Variants in RBM41 observed in about 807,000 individuals in gnomAD.
RBM41 encodes RNA-binding protein 41.
RBM41 carries 14 observed loss-of-function variants against 30.8 expected under a neutral mutation model. The observed-to-expected ratio is 0.45, with a 90% CI of 0.30 to 0.71. The LOEUF is 0.71. RBM41 is among the 30% of genes least tolerant of loss of function. RBM41 has a pLI of 0.08. For synonymous variants in RBM41, 120 were observed against 110.1 expected (o/e 1.09, Z -0.56); for missense variants, 276 against 326.3 (o/e 0.85, Z 1.19).
intron 5 of RBM41, among the ~76,000 whole-genome samples, chrX:107,104,360 T>C (rs1923751673): frequency 9.0e-6 from 1 of 111,382 alleles, no homozygotes; most frequent in African/African-American, 3.3e-5. Flanking sequence ...GATAGATTTG[T>C]GATAAGGCAA....
At chrX:107,115,610 G>C (rs1924826038) in intron 3 of RBM41, 54 bp from the exon 4 acceptor site, 2 of 1,046,650 alleles carry the variant, frequency 1.9e-6, no homozygotes, top group Non-Finnish European at 1.3e-6. Flanking sequence ...ACCTGAACAT[G>C]ATGATCTGGT....
chrX:107,099,618 G>A (rs1923275428), intron 5 of RBM41, among the ~76,000 whole-genome samples: 1 of 109,721 alleles, frequency 9.1e-6, no homozygotes, highest in Non-Finnish European at 1.9e-5. Flanking sequence ...TAGTTATCAA[G>A]AATGAAATTA....
In RBM41 at chrX:107,100,312, G is replaced by A. The variant is rs147884461; in HGVS notation, c.596-11473C>T. Among the ~76,000 whole-genome samples the A allele has an allele frequency of 9.2e-3, 1,023 of 110,710 alleles. 13 individuals carry two copies. The highest frequency in any genetic ancestry group is 0.032 in the African/African-American group (961 of 30,463). On this transcript the variant is annotated intron_variant, in intron 5 of 7. Transcript: ENST00000685964. ...TGCCACTGTCCCTGGTGAATATTTT[G>A]TATTTCTAGTCTGTACTAAAAATAT...
At chrX:107,076,300 G>A (rs1936221754) in intron 6 of RBM41, among the ~76,000 whole-genome samples, 1 of 105,008 alleles carries the variant, frequency 9.5e-6, no homozygotes, top group Non-Finnish European at 1.9e-5. Flanking sequence ...TCAGACGACA[G>A]TGCCAGACTC....
chrX:107,091,643 T>G (rs1290832754), intron 5 of RBM41, among the ~76,000 whole-genome samples: 1 of 112,039 alleles, frequency 8.9e-6, no homozygotes, highest in Non-Finnish European at 1.9e-5. Context: ...AAATAATAAT[T>G]TTTATTAGGT....
At chrX:107,111,228 G>C (rs1488493460) in intron 5 of RBM41, among the ~76,000 whole-genome samples, 1 of 111,131 alleles carries the variant, frequency 9.0e-6, no homozygotes, top group African/African-American at 3.3e-5. Flanking sequence ...AAATGGACAA[G>C]AGATCTGAAC....
chrX:107,090,458 T>C (rs929690886), intron 5 of RBM41, among the ~76,000 whole-genome samples: 2 of 112,127 alleles, frequency 1.8e-5, no homozygotes, highest in African/African-American at 3.2e-5. Context: ...TTTATCTGTG[T>C]CAATTAAACA....
At chrX:107,102,554 G>A (rs929985244) in intron 5 of RBM41, among the ~76,000 whole-genome samples, 3 of 111,518 alleles carry the variant, frequency 2.7e-5, no homozygotes, top group African/African-American at 9.8e-5. Context: ...GAAACCTCAT[G>A]TCTAATGGTG....
intron 6 of RBM41, among the ~76,000 whole-genome samples, chrX:107,083,005 T>C (rs2147932960): frequency 9.0e-6 from 1 of 111,319 alleles, no homozygotes; most frequent in Non-Finnish European, 1.9e-5. Context: ...TCTTTCTTTC[T>C]TTATGCAGAT....
At chrX:107,055,099 T>C in the RBM41 span, among the ~76,000 whole-genome samples, 1 of 112,258 alleles carries the variant, frequency 8.9e-6, no homozygotes, top group Admixed American at 9.4e-5. Flanking sequence ...CCATACAATA[T>C]GTGACTTTTT....
intron 5 of RBM41, among the ~76,000 whole-genome samples, chrX:107,095,524 T>C (rs1225609517): frequency 9.4e-6 from 1 of 106,623 alleles, no homozygotes; most frequent in African/African-American, 3.4e-5. Context: ...TGAACCTAGG[T>C]GGCGGAGATT....
At chrX:107,116,566 A>T in intron 2 of RBM41, 84 bp downstream of exon 2, 1 of 1,146,514 alleles carries the variant, frequency 8.7e-7, no homozygotes, top group Non-Finnish European at 1.2e-6. Flanking sequence ...GTGGGAGAGG[A>T]ACATTCCATC....
In RBM41 at chrX:107,071,334, A is replaced by G. The variant is rs767706512; in HGVS notation, c.1000-1932T>C. 2.7e-5 allele frequency among the ~76,000 whole-genome samples: 3 copies of G among 111,163 alleles called. No individual in the cohort carries two copies. The South Asian group carries it at 1.2e-3, about 43-fold the overall frequency. Reference sequence around the variant, plus strand: ...TAAGTCCTTTGCTAGCAATAATTACATTAAATATTAATAAACTCCCCAAGA... The same window carrying G: ...TAAGTCCTTTGCTAGCAATAATTACGTTAAATATTAATAAACTCCCCAAGA... On this transcript the variant is annotated intron_variant, in intron 6 of 7. Transcript: ENST00000685964.
rs1935664444 is a variant in RBM41, at chrX:107,062,201, T to C, written c.*5326A>G. On this transcript the variant is annotated 3_prime_UTR_variant, in exon 8 of 8. Transcript: ENST00000685964. ...GTTTGGCTTCTTTTACTTAGTAAAA[T>C]GCATTTAAGATTCATCCAAGTGGTT... 8.9e-6 allele frequency among the ~76,000 whole-genome samples: 1 copy of C among 112,103 alleles called. No homozygotes were observed. The highest frequency in any genetic ancestry group is 1.9e-5 in the Non-Finnish European group (1 of 53,234).
intron 6 of RBM41, among the ~76,000 whole-genome samples, chrX:107,072,549 T>G (rs1936102063): frequency 9.0e-6 from 1 of 111,247 alleles, no homozygotes; most frequent in East Asian, 2.8e-4. Context: ...GAAAGAACAT[T>G]GTTAAAATGA....
chrX:107,116,918 A>G lies in RBM41; in HGVS notation c.9-152T>C. On this transcript the variant is annotated intron_variant, in intron 1 of 7. Transcript: ENST00000685964. ...GCCCTTTACCATTTAGTCCATGAAC[A>G]CTTACTAAATACCTGTTTACACAGA... 3 of 554,396 alleles carry G rather than the reference A, an allele frequency of 5.4e-6. No homozygotes were observed. The South Asian group carries it at 1.0e-4, about 18-fold the overall frequency. 45.7% of individuals were successfully genotyped at this position (554,396 alleles called of 1,213,427 possible). A position where few individuals can be genotyped will look rare whatever the true frequency, so the allele number is the denominator to read the frequency against.
In RBM41 at chrX:107,062,357, T is replaced by C. The variant is rs970569119; in HGVS notation, c.*5170A>G. 2.7e-5 allele frequency among the ~76,000 whole-genome samples: 3 copies of C among 111,524 alleles called. No homozygotes were observed. The highest frequency in any genetic ancestry group is 6.5e-5 in the African/African-American group (2 of 30,701). On this transcript the variant is annotated 3_prime_UTR_variant, in exon 8 of 8. Coordinates refer to ENST00000685964, the MANE Select transcript of RBM41 (RefSeq NM_001324242.2). The stretch of plus-strand genomic sequence containing the variant: ...CAATTGCAGTGGTCTGTAGGTCTAG[T>C]AAAAAGCAGAGGTGAAATTTTCTAC...
chrX:107,081,658 T>C (rs1435519368), intron 6 of RBM41, among the ~76,000 whole-genome samples: 2 of 112,376 alleles, frequency 1.8e-5, no homozygotes, highest in African/African-American at 6.5e-5. Context: ...AATGTCTCTG[T>C]GTTTATTTAG....
At chrX:107,069,465 T>C (rs1405122445) in intron 6 of RBM41, 63 bp from the exon 7 acceptor site, 1 of 1,105,932 alleles carries the variant, frequency 9.0e-7, no homozygotes, top group Non-Finnish European at 1.2e-6. Flanking sequence ...CTTTGTTTTT[T>C]TCTTTTTGAG....
Sources: gnomAD v4.1 joint callset for allele counts (sites outside exome capture counted in the v4.1 genomes callset) on GRCh38, gnomAD v4.1.1 for gene constraint, MANE v1.5 for transcripts, NCBI Gene and HGNC (gene_info 2026-07-23, HGNC 2026-07-21) for gene names.